ALK: variants seen among roughly 807,000 people sequenced by gnomAD.
ALK encodes the protein ALK receptor tyrosine kinase.
ALK carries 74 observed loss-of-function variants against 163.1 expected under a neutral mutation model. The observed-to-expected ratio is 0.45, with a 90% CI of 0.38 to 0.55. The LOEUF (loss-of-function observed/expected upper bound fraction) is 0.55. Among genes scored for constraint, ALK ranks in the 20% least tolerant of loss-of-function variants. The pLI is 0.00. For missense variants in ALK, 2,063 were observed against 2,105.3 expected (o/e 0.98, Z 0.39); for synonymous variants, 960 against 843.2 (o/e 1.14, Z -2.40).
At position 29,835,592 on chromosome 2, in the gene ALK, A is replaced by G. The variant is rs569782641; in HGVS notation, c.667+84401T>C. 4.5e-4 allele frequency among the ~76,000 whole-genome samples: 69 copies of G among 152,252 alleles called. 1 individual carries two copies. Among genetic ancestry groups the G allele is most frequent in the African/African-American group, 1.6e-3 (67 of 41,544 alleles). On this transcript the variant is annotated intron_variant, in intron 1 of 28. Coordinates refer to ENST00000389048, the MANE Select transcript of ALK (RefSeq NM_004304.5). ...CCAACCCAGACTGTATGTGGATATA[A>G]GAAAGTCCATGATATGGTTTGCCTG...
At chr2:29,858,357 T>C (rs557278603) in intron 1 of ALK, among the ~76,000 whole-genome samples, 39 of 152,214 alleles carry the variant, frequency 2.6e-4, no homozygotes, top group African/African-American at 9.4e-4. Flanking sequence ...GAACATCCCT[T>C]AGGGTGATAA....
intron 4 of ALK, among the ~76,000 whole-genome samples, chr2:29,459,369 A>G (rs1219290080): frequency 6.6e-6 from 1 of 152,156 alleles, no homozygotes; most frequent in Non-Finnish European, 1.5e-5. Context: ...GACATGGCGG[A>G]CACCAATGGA....
chr2:29,901,762 A>AG (rs1380682824), intron 1 of ALK, among the ~76,000 whole-genome samples: 1 of 152,160 alleles, frequency 6.6e-6, no homozygotes, highest in Non-Finnish European at 1.5e-5. Context: ...AGGATTGGAG[A>AG]GGGGGTCAGG....
At chr2:29,251,985 C>T (rs147332075) in intron 11 of ALK, among the ~76,000 whole-genome samples, 3 of 152,278 alleles carry the variant, frequency 2.0e-5, no homozygotes, top group African/African-American at 4.8e-5. Flanking sequence ...GGAAATGCAA[C>T]GAAGACAGCT....
chr2:29,516,979 C>T (rs72794491), intron 4 of ALK, among the ~76,000 whole-genome samples: 5 of 152,150 alleles, frequency 3.3e-5, no homozygotes, highest in Admixed American at 6.5e-5. Context: ...CTCACACATT[C>T]GCATGACACT....
At chr2:29,447,251 T>C (rs1459458058) in intron 4 of ALK, among the ~76,000 whole-genome samples, 1 of 152,180 alleles carries the variant, frequency 6.6e-6, no homozygotes, top group Non-Finnish European at 1.5e-5. Flanking sequence ...CCCGTCTCCA[T>C]TATTCATTAG....
intron 1 of ALK, among the ~76,000 whole-genome samples, chr2:29,849,101 C>T (rs544832421): frequency 9.2e-5 from 14 of 152,132 alleles, no homozygotes; most frequent in South Asian, 2.1e-4. Flanking sequence ...TCACAGGACC[C>T]GCCTGCTCTT....
chr2:29,209,654 A>G, intron 25 of ALK, 132 bp downstream of exon 25: 1 of 678,930 alleles, frequency 1.5e-6, no homozygotes, highest in Admixed American at 2.5e-5. Flanking sequence ...CTGAAAAGGA[A>G]CTTAGTGAAA....
At chr2:29,669,750 T>C (rs189262506) in intron 3 of ALK, among the ~76,000 whole-genome samples, 1 of 152,176 alleles carries the variant, frequency 6.6e-6, no homozygotes, top group East Asian at 1.9e-4. Flanking sequence ...TTTTTAGTGA[T>C]TCTACTATAG....
intron 4 of ALK, among the ~76,000 whole-genome samples, chr2:29,501,918 G>A (rs1406120606): frequency 2.6e-5 from 4 of 152,230 alleles, no homozygotes; most frequent in Non-Finnish European, 5.9e-5. Context: ...CCTCACATGA[G>A]TGGAATTGTA....
intron 1 of ALK, among the ~76,000 whole-genome samples, chr2:29,748,272 T>C (rs1680258288): frequency 6.6e-6 from 1 of 152,296 alleles, no homozygotes; most frequent in East Asian, 1.9e-4. Context: ...GGGACACTAG[T>C]ACTTTTTTAA....
chr2:29,860,192 G>A (rs1404707535), intron 1 of ALK, among the ~76,000 whole-genome samples: 3 of 152,110 alleles, frequency 2.0e-5, no homozygotes, highest in Non-Finnish European at 4.4e-5. Context: ...AATTCTTAAC[G>A]ATGGAACTTC....
chr2:29,388,068 A>T (rs527842747), intron 4 of ALK, among the ~76,000 whole-genome samples: 1 of 152,318 alleles, frequency 6.6e-6, no homozygotes, highest in East Asian at 1.9e-4. Flanking sequence ...AAAAATCTAC[A>T]AAAAAATCAC....
At chr2:29,717,008 A>C (rs1384759262) in intron 2 of ALK, among the ~76,000 whole-genome samples, 4 of 149,528 alleles carry the variant, frequency 2.7e-5, no homozygotes, top group South Asian at 2.1e-4. Context: ...AAAAAAAAAA[A>C]AAAAAAAAAA....
At chr2:29,534,003 G>A (rs1673184807) in intron 3 of ALK, among the ~76,000 whole-genome samples, 1 of 152,160 alleles carries the variant, frequency 6.6e-6, no homozygotes, top group South Asian at 2.1e-4. Context: ...AGAGGAGTCA[G>A]GACAAAGGTA....
chr2:29,568,354 A>G (rs1366074789), intron 3 of ALK, among the ~76,000 whole-genome samples: 6 of 152,250 alleles, frequency 3.9e-5, no homozygotes, highest in Non-Finnish European at 8.8e-5. Context: ...ACAACGGCAT[A>G]GTGACATTTT....
chr2:29,811,666 T>C (rs1476127758), intron 1 of ALK, among the ~76,000 whole-genome samples: 2 of 152,216 alleles, frequency 1.3e-5, no homozygotes, highest in Non-Finnish European at 2.9e-5. Flanking sequence ...ATAAGGCATG[T>C]AGCTGACCTG....
intron 1 of ALK, among the ~76,000 whole-genome samples, chr2:29,895,079 C>T (rs1176790624): frequency 1.3e-5 from 2 of 152,136 alleles, no homozygotes; most frequent in African/African-American, 2.4e-5. Context: ...CATCATTATC[C>T]ATAATGTGTT....
At position 29,497,652 on chromosome 2, in the gene ALK, C is replaced by A. The variant is rs772861125; in HGVS notation, c.1154+34263G>T. Among the ~76,000 whole-genome samples, 9 of 152,214 alleles carry A rather than the reference C, an allele frequency of 5.9e-5. 1 individual carries two copies. The highest frequency in any genetic ancestry group is 1.2e-4 in the Non-Finnish European group (8 of 68,034). On this transcript the variant is annotated intron_variant, in intron 4 of 28. Transcript: ENST00000389048. ...AATTCTTTTGTGTGTCCAGGCGCTG[C>A]ATTCCTATCAAGAGGGCAAATCCCT...
Sources: allele counts gnomAD v4.1 joint callset (sites outside exome capture counted in the v4.1 genomes callset), GRCh38; gene constraint gnomAD v4.1.1; transcripts MANE v1.5; gene names NCBI Gene and HGNC (gene_info 2026-07-23, HGNC 2026-07-21).